BCKDHB: variants seen among roughly 807,000 people sequenced by gnomAD.
The protein encoded by BCKDHB is branched chain keto acid dehydrogenase E1 subunit beta.
Under a neutral mutation model 48.5 loss-of-function variants are expected in BCKDHB, and 41 were observed. That is an observed-to-expected ratio of 0.85 (90% CI 0.66 to 1.10). The LOEUF is 1.10. Among genes scored for constraint, BCKDHB ranks in the 50% least tolerant of loss-of-function variants. The probability of loss-of-function intolerance (pLI) is 0.00; values close to 1 mark genes in which losing one functional copy is unlikely to be tolerated. For missense variants in BCKDHB, 496 were observed against 494.2 expected (o/e 1.00, Z -0.03); for synonymous variants, 201 against 174.8 (o/e 1.15, Z -1.18).
chr6:80,206,821 A>G (rs1181746200), intron 8 of BCKDHB, among the ~76,000 whole-genome samples: 1 of 151,906 alleles, frequency 6.6e-6, no homozygotes, highest in East Asian at 1.9e-4. Context: ...AGAGAGAGAA[A>G]ATCTCTAACA....
At chr6:80,323,709 T>C (rs910783971) in intron 9 of BCKDHB, among the ~76,000 whole-genome samples, 5 of 152,220 alleles carry the variant, frequency 3.3e-5, no homozygotes, top group Admixed American at 2.0e-4. Flanking sequence ...AGCTCTTTTC[T>C]TCACACTGAT....
the BCKDHB span, among the ~76,000 whole-genome samples, chr6:80,393,172 C>T: frequency 4.6e-5 from 7 of 151,918 alleles, no homozygotes; most frequent in Non-Finnish European, 1.0e-4. Flanking sequence ...CCATGAATTG[C>T]CTATTTATTA....
chr6:80,363,831 G>T, the BCKDHB span, among the ~76,000 whole-genome samples: 14 of 152,180 alleles, frequency 9.2e-5, no homozygotes, highest in South Asian at 8.3e-4. Flanking sequence ...GAGATTATGA[G>T]TACAAAGAAT....
At position 80,116,161 on chromosome 6, in the gene BCKDHB, A is replaced by G. The variant is rs527653770; in HGVS notation, c.196+9272A>G. The stretch of plus-strand genomic sequence containing the variant: ...ATTTGCCCTTTTCCTCAGATGCTCT[A>G]TCCCTGTGGGAGGCTTCTCTTTCCC... On this transcript the variant is annotated intron_variant, in intron 1 of 9. Transcript: ENST00000320393. 7.2e-5 allele frequency among the ~76,000 whole-genome samples: 11 copies of G among 152,242 alleles called. 1 individual carries two copies. In the South Asian group the frequency reaches 1.0e-3, roughly 14 times the overall value.
rs1769077740 is a variant in BCKDHB at position 80,106,743 on chromosome 6, C to T, written c.50C>T (p.Ala17Val). The T allele has an allele frequency of 4.5e-6, 7 of 1,567,148 alleles. No homozygotes were observed. Among genetic ancestry groups the T allele is most frequent in the Non-Finnish European group, 6.0e-6 (7 of 1,157,138 alleles). Residue 17 changes from alanine to valine, a missense_variant, in exon 1 of 10, where the codon GCA becomes GTA. Ala to Val is a moderately conservative substitution (Grantham distance 64). Transcript: ENST00000320393. ...GGCTGGCTACTCAGGCTCAGGGCGG[C>T]AGGGGCTGAGGGGCACTGGCGTCGG... ...AAGWLLRLRAAGAEGHWRRLP... is the reference protein window; with the variant it reads ...AAGWLLRLRAVGAEGHWRRLP...
chr6:80,139,422 T>A (rs1771068185), intron 3 of BCKDHB, among the ~76,000 whole-genome samples: 2 of 152,108 alleles, frequency 1.3e-5, no homozygotes, highest in Non-Finnish European at 2.9e-5. Context: ...TCTTCTAGGG[T>A]TTTTATGGTT....
the BCKDHB span, among the ~76,000 whole-genome samples, chr6:80,407,758 A>T: frequency 1.3e-5 from 2 of 152,190 alleles, no homozygotes; most frequent in Middle Eastern, 3.2e-3. Flanking sequence ...TTTTGGGCTG[A>T]GATGATGGGG....
chr6:80,379,922 A>T, the BCKDHB span, among the ~76,000 whole-genome samples: 1 of 152,120 alleles, frequency 6.6e-6, no homozygotes, highest in Non-Finnish European at 1.5e-5. Flanking sequence ...AACACTGGTG[A>T]AATAAATTGT....
the BCKDHB span, among the ~76,000 whole-genome samples, chr6:80,381,615 T>A: frequency 6.6e-6 from 1 of 152,126 alleles, no homozygotes; most frequent in Non-Finnish European, 1.5e-5. Context: ...CAGTAGCATA[T>A]TTGTTACTTT....
chr6:80,383,239 C>CT, the BCKDHB span, among the ~76,000 whole-genome samples: 27 of 151,976 alleles, frequency 1.8e-4, no homozygotes, highest in Non-Finnish European at 2.9e-4. Context: ...GTTCTGTTTT[C>CT]TTTTTTCTGT....
the BCKDHB span, among the ~76,000 whole-genome samples, chr6:80,464,720 T>A: frequency 6.6e-6 from 1 of 152,220 alleles, no homozygotes; most frequent in Non-Finnish European, 1.5e-5. Flanking sequence ...ATATTCATTA[T>A]ACTGCTCTTC....
At chr6:80,191,196 A>G (rs1773878056) in intron 6 of BCKDHB, among the ~76,000 whole-genome samples, 2 of 152,240 alleles carry the variant, frequency 1.3e-5, no homozygotes, top group Non-Finnish European at 2.9e-5. Context: ...GCTCATCAAT[A>G]AAATCAACAG....
intron 6 of BCKDHB, among the ~76,000 whole-genome samples, chr6:80,181,687 TGTAAGGC>T (rs1233109224): frequency 6.6e-6 from 1 of 152,222 alleles, no homozygotes; most frequent in Non-Finnish European, 1.5e-5. Context: ...AAGCAGAGGT[TGTAAGGC>T]CCTTGAAGCA....
intron 9 of BCKDHB, among the ~76,000 whole-genome samples, chr6:80,313,959 G>A (rs567227490): frequency 6.6e-6 from 1 of 152,232 alleles, no homozygotes; most frequent in Non-Finnish European, 1.5e-5. Context: ...AGAGATTGTG[G>A]TGCTTTGTAT....
At chr6:80,277,658 G>GT (rs35644465) in intron 9 of BCKDHB, among the ~76,000 whole-genome samples, 2,724 of 138,544 alleles carry the variant, frequency 0.02, 79 homozygotes, top group African/African-American at 0.06. Context: ...TAAGATTTGA[G>GT]TTTTTTTTTT....
intron 8 of BCKDHB, among the ~76,000 whole-genome samples, chr6:80,259,695 C>T (rs530099052): frequency 6.6e-6 from 1 of 152,136 alleles, no homozygotes; most frequent in South Asian, 2.1e-4. Context: ...TTGGAAATAA[C>T]GATGACATTA....
At chr6:80,176,760 G>A (rs1353351726) in intron 6 of BCKDHB, among the ~76,000 whole-genome samples, 1 of 152,130 alleles carries the variant, frequency 6.6e-6, no homozygotes, top group Non-Finnish European at 1.5e-5. Context: ...CATGAAAACT[G>A]TTGGAAGGAA....
intron 8 of BCKDHB, among the ~76,000 whole-genome samples, chr6:80,268,717 T>C (rs918715455): frequency 6.6e-6 from 1 of 152,128 alleles, no homozygotes; most frequent in African/African-American, 2.4e-5. Flanking sequence ...CTGTATCAGT[T>C]CTCCTAGAAT....
rs759281718 is a variant in BCKDHB at position 80,200,928 on chromosome 6, A to G, written c.743-6A>G. The G allele has an allele frequency of 1.9e-6, 3 of 1,589,552 alleles. No homozygotes were observed. The highest frequency in any genetic ancestry group is 2.2e-5 in the East Asian group (1 of 44,584). ...TCCTTTTTTTTTTTTCCTGTTCTGTATTTAGCGGAAGAAGTCCCTATAGAA... is the reference window on the plus strand; with the variant it reads ...TCCTTTTTTTTTTTTCCTGTTCTGTGTTTAGCGGAAGAAGTCCCTATAGAA... On this transcript the variant is annotated splice_polypyrimidine_tract_variant and splice_region_variant and intron_variant, in intron 6 of 9. Transcript: ENST00000320393.
Sources: allele counts gnomAD v4.1 joint callset (sites outside exome capture counted in the v4.1 genomes callset), GRCh38; gene constraint gnomAD v4.1.1; transcripts MANE v1.5; gene names NCBI Gene and HGNC (gene_info 2026-07-23, HGNC 2026-07-21).